CHN1: variants seen among roughly 807,000 people sequenced by gnomAD.
CHN1 encodes N-chimaerin.
In CHN1, 37 loss-of-function variants were observed where a neutral mutation model predicts 59.5. The ratio of observed to expected loss-of-function variants is 0.62; its 90% CI spans 0.48 to 0.82. CHN1 has a LOEUF of 0.82. Ranked by LOEUF, CHN1 falls within the 40% of genes least tolerant of loss-of-function variation. The pLI is 0.00. For synonymous variants in CHN1, 206 were observed against 200.4 expected (o/e 1.03, Z -0.24); for missense variants, 469 against 571.0 (o/e 0.82, Z 1.82).
intron 1 of CHN1, among the ~76,000 whole-genome samples, chr2:174,961,350 G>C (rs2105425914): frequency 6.6e-6 from 1 of 152,238 alleles, no homozygotes; most frequent in South Asian, 2.1e-4. Flanking sequence ...ACTTTGGGAG[G>C]CCGATCACCT....
chr2:174,871,840 C>T (rs368090917), intron 6 of CHN1, among the ~76,000 whole-genome samples: 1 of 152,116 alleles, frequency 6.6e-6, no homozygotes, highest in Admixed American at 6.5e-5. Flanking sequence ...CTTTTATTTC[C>T]TCCAGACCCT....
intron 5 of CHN1, among the ~76,000 whole-genome samples, chr2:174,912,553 A>G (rs1478153723): frequency 6.6e-6 from 1 of 152,188 alleles, no homozygotes; most frequent in Non-Finnish European, 1.5e-5. Flanking sequence ...TGACACAGTA[A>G]ATGCATAAAT....
At chr2:174,911,245 T>C (rs1007929682) in intron 5 of CHN1, among the ~76,000 whole-genome samples, 1 of 152,336 alleles carries the variant, frequency 6.6e-6, no homozygotes, top group East Asian at 1.9e-4. Context: ...TCTAAAATGA[T>C]GAAAGCCATG....
intron 6 of CHN1, among the ~76,000 whole-genome samples, chr2:174,872,493 G>A (rs1051156731): frequency 2.0e-5 from 3 of 152,096 alleles, no homozygotes; most frequent in Admixed American, 2.0e-4. Flanking sequence ...CTTACATTCA[G>A]GCAAAGGAGA....
At chr2:174,840,185 T>TTTTC (rs1686244721) in intron 7 of CHN1, among the ~76,000 whole-genome samples, 1 of 141,782 alleles carries the variant, frequency 7.1e-6, no homozygotes, top group Non-Finnish European at 1.5e-5. Flanking sequence ...TTTTTTTTTT[T>TTTTC]TGAGATGGGG....
At chr2:174,919,760 C>T (rs1302373974) in intron 3 of CHN1, among the ~76,000 whole-genome samples, 9 of 151,548 alleles carry the variant, frequency 5.9e-5, no homozygotes, top group African/African-American at 2.2e-4. Context: ...CATTACTTCA[C>T]ATACTTTTTT....
chr2:174,984,068 TC>T (rs1691253913), intron 1 of CHN1, among the ~76,000 whole-genome samples: 1 of 151,952 alleles, frequency 6.6e-6, no homozygotes, highest in African/African-American at 2.4e-5. Context: ...TTTTTTTTTT[TC>T]ATTTTCAGAA....
At chr2:174,914,200 A>C (rs1384596717) in intron 5 of CHN1, among the ~76,000 whole-genome samples, 1 of 152,200 alleles carries the variant, frequency 6.6e-6, no homozygotes, top group Non-Finnish European at 1.5e-5. Context: ...ATGAGGTTAG[A>C]GGCCTGGCAT....
At chr2:174,935,114 G>A (rs906148641) in intron 3 of CHN1, among the ~76,000 whole-genome samples, 6 of 152,112 alleles carry the variant, frequency 3.9e-5, no homozygotes, top group South Asian at 4.1e-4. Flanking sequence ...TTAGCTTTCC[G>A]GGCTTATCTT....
intron 1 of CHN1, among the ~76,000 whole-genome samples, chr2:174,970,902 C>T (rs1213985697): frequency 6.6e-6 from 1 of 152,010 alleles, no homozygotes; most frequent in Non-Finnish European, 1.5e-5. Context: ...TTCATATATC[C>T]CAAACAAAAC....
chr2:174,813,573 AAG>A (rs1307218457), intron 8 of CHN1, among the ~76,000 whole-genome samples: 2 of 152,228 alleles, frequency 1.3e-5, no homozygotes, highest in Non-Finnish European at 2.9e-5. Context: ...GAAAAGTACA[AAG>A]AAATTTTAGA....
At chr2:174,964,950 T>G (rs1480343720) in intron 1 of CHN1, among the ~76,000 whole-genome samples, 3 of 152,192 alleles carry the variant, frequency 2.0e-5, no homozygotes, top group African/African-American at 7.2e-5. Flanking sequence ...TGCTGCTTTT[T>G]CTCTAAATAT....
At chr2:174,852,054 A>G (rs546282036) in intron 6 of CHN1, among the ~76,000 whole-genome samples, 8 of 152,154 alleles carry the variant, frequency 5.3e-5, no homozygotes, top group African/African-American at 1.7e-4. Flanking sequence ...AGGTGGGAGG[A>G]TCACTTGAGG....
intron 1 of CHN1, among the ~76,000 whole-genome samples, chr2:174,965,453 A>G (rs1219437926): frequency 1.3e-5 from 2 of 152,052 alleles, no homozygotes; most frequent in African/African-American, 4.8e-5. Context: ...TAAGCTGTTT[A>G]TTTTTTTAGG....
chr2:174,839,140 CTAAT>C (rs1351555495), intron 7 of CHN1, among the ~76,000 whole-genome samples: 6 of 151,940 alleles, frequency 3.9e-5, no homozygotes. Context: ...CTAAATTGAG[CTAAT>C]TAATGTAAGC....
intron 5 of CHN1, among the ~76,000 whole-genome samples, chr2:174,881,257 T>G (rs911761933): frequency 6.6e-6 from 1 of 152,132 alleles, no homozygotes; most frequent in Admixed American, 6.5e-5. Context: ...AGCTACTGCT[T>G]ATGTCCAAGT....
At chr2:174,875,321 G>A (rs893782818) in intron 6 of CHN1, among the ~76,000 whole-genome samples, 1 of 152,210 alleles carries the variant, frequency 6.6e-6, no homozygotes, top group African/African-American at 2.4e-5. Flanking sequence ...CCAGACAGGT[G>A]AGATGACTGT....
At chr2:174,910,372 G>T (rs866333161) in intron 5 of CHN1, among the ~76,000 whole-genome samples, 7 of 151,950 alleles carry the variant, frequency 4.6e-5, no homozygotes, top group Non-Finnish European at 5.9e-5. Flanking sequence ...CATATTAAAT[G>T]TCCAACGTTG....
At chr2:174,806,571 G>A (rs1424739937) in intron 11 of CHN1, among the ~76,000 whole-genome samples, 4 of 152,200 alleles carry the variant, frequency 2.6e-5, no homozygotes, top group African/African-American at 7.2e-5. Context: ...GTGTGACAGA[G>A]TGGGTAAAGC....
Sources: gnomAD v4.1 joint callset for allele counts (sites outside exome capture counted in the v4.1 genomes callset) on GRCh38, gnomAD v4.1.1 for gene constraint, MANE v1.5 for transcripts, NCBI Gene and HGNC (gene_info 2026-07-23, HGNC 2026-07-21) for gene names.